The following EPN2 variants were observed in gnomAD, a reference collection of about 807,000 sequenced individuals.
The protein encoded by EPN2 is epsin 2.
A neutral mutation model predicts 61.7 loss-of-function variants in EPN2; 34 were observed. The observed-to-expected ratio is 0.55, with a 90% CI of 0.42 to 0.73. EPN2 has a LOEUF of 0.73. EPN2 is among the 30% of genes least tolerant of loss of function. The probability of loss-of-function intolerance (pLI) is 0.00; values close to 1 mark genes in which losing one functional copy is unlikely to be tolerated. For synonymous variants in EPN2, 349 were observed against 353.6 expected, an observed-to-expected ratio of 0.99 and a Z score of 0.15; for missense variants, 714 against 839.2, an observed-to-expected ratio of 0.85 and a Z score of 1.84.
chr17:19,295,376 G>A (rs557380180), intron 4 of EPN2, among the ~76,000 whole-genome samples: 3 of 151,350 alleles, frequency 2.0e-5, no homozygotes, highest in East Asian at 1.9e-4. Flanking sequence ...ACGCGCGTGC[G>A]CGCAAAATAG....
chr17:19,255,623 T>C (rs2152205056), intron 1 of EPN2, among the ~76,000 whole-genome samples: 1 of 150,278 alleles, frequency 6.7e-6, no homozygotes, highest in South Asian at 2.1e-4. Context: ...GTTTGATAGA[T>C]TGGATTGATT....
chr17:19,289,716 C>A (rs939761441), intron 4 of EPN2, among the ~76,000 whole-genome samples: 3 of 96,396 alleles, frequency 3.1e-5, no homozygotes, highest in African/African-American at 4.6e-5. Flanking sequence ...CCTCACCTGG[C>A]GCTCATGGTT....
intron 1 of EPN2, among the ~76,000 whole-genome samples, chr17:19,277,966 AG>A (rs1392569374): frequency 1.3e-5 from 2 of 151,456 alleles, no homozygotes; most frequent in African/African-American, 4.9e-5. Context: ...CCAGCTACTC[AG>A]GAGGCTGAGG....
At chr17:19,295,366 A>ACACACACACACGCGCG (rs147719775) in intron 4 of EPN2, among the ~76,000 whole-genome samples, 3 of 140,318 alleles carry the variant, frequency 2.1e-5, no homozygotes, top group Non-Finnish European at 3.1e-5. Context: ...ACACACACAC[A>ACACACACACACGCGCG]CGCGCGTGCG....
intron 7 of EPN2, among the ~76,000 whole-genome samples, chr17:19,326,868 C>A (rs560387655): frequency 1.3e-5 from 2 of 151,840 alleles, no homozygotes; most frequent in African/African-American, 4.8e-5. Context: ...AAGGGACGAT[C>A]GGTAAAAGAC....
Position 19,332,160 on chromosome 17 carries a change from G to C in EPN2, c.1627+92G>C, listed in dbSNP as rs940281568. On this transcript the variant is annotated intron_variant, in intron 10 of 10. Coordinates refer to ENST00000314728, the MANE Select transcript of EPN2 (RefSeq NM_014964.5). ...TTGGGGGCTCTTCCCACTGTGTGACGGGGAAGGGGTGGGACTAGCTGGAAT... is the reference window on the plus strand; with the variant it reads ...TTGGGGGCTCTTCCCACTGTGTGACCGGGAAGGGGTGGGACTAGCTGGAAT... The C allele has an allele frequency of 6.2e-6, 6 of 966,294 alleles. No homozygotes were observed. The African/African-American group carries it at 9.6e-5, about 16-fold the overall frequency. 59.9% of individuals were successfully genotyped at this position (966,294 alleles called of 1,614,324 possible).
rs1252699998 is a variant in EPN2, at chr17:19,283,650, C to T, written c.531C>T (p.Leu177=). The T allele has an allele frequency of 1.2e-6, 2 of 1,613,566 alleles. No homozygotes were observed. The highest frequency in any genetic ancestry group is 2.7e-5 in the African/African-American group (2 of 74,936). Residue 177 remains leucine (L), a synonymous_variant, in exon 3 of 11, where the codon CTC becomes CTT. Coordinates refer to ENST00000314728, the MANE Select transcript of EPN2 (RefSeq NM_014964.5). This position sits in a 1 kb window ranked among gnomAD's most constrained non-coding sequence, Gnocchi z 7.0. The part of the protein sequence containing the change: ...TFGRGSSQPN[L]STSHSEQEYG... Reference sequence around the variant, plus strand: ...GGCGAGGCTCCAGCCAGCCCAACCTCTCCACCAGCCACTCGGAGCAGGAGT... The same window carrying T: ...GGCGAGGCTCCAGCCAGCCCAACCTTTCCACCAGCCACTCGGAGCAGGAGT...
In EPN2 at chr17:19,283,258, AC is replaced by A; in HGVS notation, c.141del (p.Tyr48ThrfsTer10). 1 of 1,614,050 alleles carries A rather than the reference AC, an allele frequency of 6.2e-7. No individual in the cohort carries two copies. ...TCTGATGACCGAGATTGCCGACCTG[AC>A]CTACAACGTGGTGGCCTTCTCGGAG... ...SSLMTEIADL[T>X]YNVVAFSEIM... On this transcript the variant is annotated frameshift_variant, in exon 3 of 11. Coordinates refer to ENST00000314728, the MANE Select transcript of EPN2 (RefSeq NM_014964.5). LOFTEE classifies it high-confidence loss of function. This position sits in a 1 kb window ranked among gnomAD's most constrained non-coding sequence, Gnocchi z 7.0.
At chr17:19,275,662 G>A (rs1429224152) in intron 1 of EPN2, among the ~76,000 whole-genome samples, 1 of 152,096 alleles carries the variant, frequency 6.6e-6, no homozygotes, top group Non-Finnish European at 1.5e-5. Flanking sequence ...CTGAGTCCTG[G>A]GCCTACTCCT....
At chr17:19,268,005 G>C (rs544252616) in intron 1 of EPN2, among the ~76,000 whole-genome samples, 1 of 152,224 alleles carries the variant, frequency 6.6e-6, no homozygotes, top group Non-Finnish European at 1.5e-5. Context: ...TGTGTGCCTA[G>C]TGAGGCCCTG....
chr17:19,256,173 G>A (rs1159750541), intron 1 of EPN2, among the ~76,000 whole-genome samples: 2 of 152,052 alleles, frequency 1.3e-5, no homozygotes, highest in East Asian at 1.9e-4. Context: ...TCCTGACCTC[G>A]TGATTTGCCC....
At chr17:19,278,374 TG>T (rs2045329088) in intron 1 of EPN2, among the ~76,000 whole-genome samples, 1 of 152,152 alleles carries the variant, frequency 6.6e-6, no homozygotes, top group Non-Finnish European at 1.5e-5. Flanking sequence ...TCCACATGCC[TG>T]GAGAGGCCTC....
chr17:19,297,970 G>A lies in EPN2; in HGVS notation c.767-11915G>A, dbSNP rs187235339. The stretch of plus-strand genomic sequence containing the variant: ...CGGCTCACTGCAGCCCTGCCTCCTG[G>A]GTTCAAGCGATTCTTTTGCCCCAGC... On this transcript the variant is annotated intron_variant, in intron 4 of 10. Coordinates refer to ENST00000314728, the MANE Select transcript of EPN2 (RefSeq NM_014964.5). 2.8e-4 allele frequency among the ~76,000 whole-genome samples: 43 copies of A among 152,144 alleles called. No individual in the cohort carries two copies. In the East Asian group the frequency reaches 8.3e-3, roughly 29 times the overall value.
intron 4 of EPN2, among the ~76,000 whole-genome samples, 160 bp from the exon 5 acceptor site, chr17:19,309,725 A>G (rs1906023474): frequency 6.6e-6 from 1 of 152,152 alleles, no homozygotes; most frequent in African/African-American, 2.4e-5. Flanking sequence ...TAACATTCAA[A>G]TATTTGTAAG....
chr17:19,244,875 G>T (rs539501638), intron 1 of EPN2, among the ~76,000 whole-genome samples: 1 of 152,266 alleles, frequency 6.6e-6, no homozygotes, highest in Non-Finnish European at 1.5e-5. Flanking sequence ...AACTCCTGCT[G>T]GTATGCCCCA....
Position 19,316,142 on chromosome 17 carries a change from G to A in EPN2, c.1147+2863G>A, listed in dbSNP as rs572348914. 7.9e-5 allele frequency among the ~76,000 whole-genome samples: 12 copies of A among 152,334 alleles called. No individual in the cohort carries two copies. In the South Asian group the frequency reaches 2.1e-3, roughly 26 times the overall value. On this transcript the variant is annotated intron_variant, in intron 7 of 10. Transcript: ENST00000314728. Reference sequence around the variant, plus strand: ...TTCGTTTAACCATTCAGCAATTGATGGATATTTGGGCTGTTTTCACATTTT... The same window carrying A: ...TTCGTTTAACCATTCAGCAATTGATAGATATTTGGGCTGTTTTCACATTTT...
intron 7 of EPN2, among the ~76,000 whole-genome samples, chr17:19,328,387 G>C (rs1217183427): frequency 1.3e-5 from 2 of 152,144 alleles, no homozygotes; most frequent in African/African-American, 4.8e-5. Flanking sequence ...AAGTGGGGTT[G>C]AGCTCAGGAG....
intron 1 of EPN2, chr17:19,249,489 C>A (rs1404499988): frequency 6.6e-6 from 1 of 152,236 alleles, no homozygotes; most frequent in Non-Finnish European, 1.5e-5. Context: ...CTCTATTTTC[C>A]AGAAATCCCT....
At chr17:19,288,392 T>C (rs2045426132) in intron 4 of EPN2, among the ~76,000 whole-genome samples, 1 of 152,180 alleles carries the variant, frequency 6.6e-6, no homozygotes, top group Non-Finnish European at 1.5e-5. Context: ...CAGCATGTTA[T>C]GTAATGAGCG....
Sources: allele counts gnomAD v4.1 joint callset (sites outside exome capture counted in the v4.1 genomes callset), GRCh38; gene constraint gnomAD v4.1.1; non-coding constraint Gnocchi (gnomAD v3.1); transcripts MANE v1.5; gene names NCBI Gene and HGNC (gene_info 2026-07-23, HGNC 2026-07-21).